The following RPS6KC1 variants were observed in gnomAD, a reference collection of about 807,000 sequenced individuals.
RPS6KC1 encodes inactive ribosomal protein S6 kinase delta-1.
In RPS6KC1, 54 loss-of-function variants were observed where a neutral mutation model predicts 103.8. The ratio of observed to expected loss-of-function variants is 0.52; its 90% CI spans 0.42 to 0.65. The LOEUF is 0.65. RPS6KC1 is among the 30% of genes least tolerant of loss of function. RPS6KC1 has a pLI of 0.00. For synonymous variants in RPS6KC1, 439 were observed against 438.7 expected (o/e 1.00, Z -0.01); for missense variants, 1,151 against 1,253.8 (o/e 0.92, Z 1.24).
At chr1:213,191,177 G>A (rs1449218585) in intron 8 of RPS6KC1, among the ~76,000 whole-genome samples, 1 of 152,112 alleles carries the variant, frequency 6.6e-6, no homozygotes, top group Non-Finnish European at 1.5e-5. Flanking sequence ...TTCTATTTCT[G>A]TGAGGAATGC....
At chr1:213,617,074 T>G in the RPS6KC1 span, among the ~76,000 whole-genome samples, 2 of 152,122 alleles carry the variant, frequency 1.3e-5, no homozygotes, top group South Asian at 4.1e-4. Flanking sequence ...TAGGATAACT[T>G]TTGTTATTTT....
At chr1:213,527,725 AAC>A in the RPS6KC1 span, among the ~76,000 whole-genome samples, 1 of 152,128 alleles carries the variant, frequency 6.6e-6, no homozygotes, top group South Asian at 2.1e-4. Flanking sequence ...ACCCTTGAAC[AAC>A]ACAAGGGTTA....
chr1:213,572,831 A>T, the RPS6KC1 span, among the ~76,000 whole-genome samples: 3 of 152,200 alleles, frequency 2.0e-5, no homozygotes, highest in Non-Finnish European at 4.4e-5. Context: ...CCGCACTAGG[A>T]AGTGTAGCAA....
At chr1:213,675,765 T>A in the RPS6KC1 span, among the ~76,000 whole-genome samples, 1 of 151,966 alleles carries the variant, frequency 6.6e-6, no homozygotes, top group South Asian at 2.1e-4. Flanking sequence ...TAATCCCAGC[T>A]ACTTGGGAGG....
chr1:213,825,184 C>A, the RPS6KC1 span, among the ~76,000 whole-genome samples: 1 of 152,242 alleles, frequency 6.6e-6, no homozygotes, highest in Admixed American at 6.5e-5. Context: ...TTCACATCTA[C>A]CCCACCTTGC....
intron 6 of RPS6KC1, among the ~76,000 whole-genome samples, chr1:213,160,144 G>A (rs988159176): frequency 1.3e-5 from 2 of 152,176 alleles, no homozygotes; most frequent in African/African-American, 4.8e-5. Context: ...CTGTAAATCT[G>A]CCTTTTCTCA....
chr1:213,110,623 A>G (rs1572587468), intron 4 of RPS6KC1, among the ~76,000 whole-genome samples: 2 of 152,190 alleles, frequency 1.3e-5, no homozygotes, highest in South Asian at 4.1e-4. Context: ...TTTAATGCTG[A>G]TGATTTTTTA....
At chr1:213,108,831 G>A (rs2082734894) in intron 4 of RPS6KC1, among the ~76,000 whole-genome samples, 2 of 151,676 alleles carry the variant, frequency 1.3e-5, no homozygotes, top group Non-Finnish European at 1.5e-5. Flanking sequence ...AAATTTTTTT[G>A]TAGAGACAGG....
chr1:213,643,003 A>G, the RPS6KC1 span, among the ~76,000 whole-genome samples: 5,175 of 151,984 alleles, frequency 0.034, 119 homozygotes, highest in African/African-American at 0.056. Flanking sequence ...GCTTAGTTTT[A>G]GAGCTATATT....
At chr1:213,101,888 G>A in intron 3 of RPS6KC1, among the ~76,000 whole-genome samples, 1 of 152,144 alleles carries the variant, frequency 6.6e-6, no homozygotes, top group East Asian at 1.9e-4. Flanking sequence ...ATTTAATCTA[G>A]TTGGCCAGTA....
the RPS6KC1 span, among the ~76,000 whole-genome samples, chr1:213,833,974 G>A: frequency 6.6e-6 from 1 of 152,196 alleles, no homozygotes; most frequent in Admixed American, 6.5e-5. Context: ...CATGGAAAAT[G>A]TTAATTTCAC....
the RPS6KC1 span, among the ~76,000 whole-genome samples, chr1:213,769,219 T>A: frequency 6.6e-6 from 1 of 152,002 alleles, no homozygotes; most frequent in African/African-American, 2.4e-5. Context: ...GATGGAGAAA[T>A]GGGGGACAGG....
At chr1:213,442,507 C>G in the RPS6KC1 span, among the ~76,000 whole-genome samples, 1 of 152,228 alleles carries the variant, frequency 6.6e-6, no homozygotes, top group East Asian at 1.9e-4. Flanking sequence ...CACTTCTGAT[C>G]TGTTACGTGT....
At chr1:213,370,993 G>A in the RPS6KC1 span, among the ~76,000 whole-genome samples, 1 of 152,172 alleles carries the variant, frequency 6.6e-6, no homozygotes, top group East Asian at 1.9e-4. Context: ...CTCTTTAACT[G>A]TTTTTAAGTG....
At chr1:213,422,072 C>T in the RPS6KC1 span, among the ~76,000 whole-genome samples, 1 of 152,290 alleles carries the variant, frequency 6.6e-6, no homozygotes, top group Non-Finnish European at 1.5e-5. Context: ...TTAAAGTGTA[C>T]AGTTCAGTGG....
chr1:213,841,623 C>A, the RPS6KC1 span, among the ~76,000 whole-genome samples: 1 of 152,190 alleles, frequency 6.6e-6, no homozygotes, highest in Non-Finnish European at 1.5e-5. Context: ...ATTGCCTTCC[C>A]AACCCTGCTC....
chr1:213,530,725 G>A, the RPS6KC1 span, among the ~76,000 whole-genome samples: 1 of 152,232 alleles, frequency 6.6e-6, no homozygotes, highest in Non-Finnish European at 1.5e-5. Context: ...ATCCATTAAC[G>A]TCATGTTTCC....
the RPS6KC1 span, among the ~76,000 whole-genome samples, chr1:213,725,674 A>T: frequency 6.6e-6 from 1 of 152,168 alleles, no homozygotes; most frequent in South Asian, 2.1e-4. Flanking sequence ...AAAATCCCAC[A>T]CTGGTGGATA....
the RPS6KC1 span, among the ~76,000 whole-genome samples, chr1:213,499,978 T>C: frequency 2.0e-5 from 3 of 152,274 alleles, no homozygotes; most frequent in Non-Finnish European, 4.4e-5. Context: ...AAATGTTGAG[T>C]GAATGTGAAG....
Sources: gnomAD v4.1 joint callset for allele counts (sites outside exome capture counted in the v4.1 genomes callset) on GRCh38, gnomAD v4.1.1 for gene constraint, MANE v1.5 for transcripts, NCBI Gene and HGNC (gene_info 2026-07-23, HGNC 2026-07-21) for gene names.